Variants in CEP63 observed in about 807,000 individuals in gnomAD.
CEP63 encodes the protein centrosomal protein of 63 kDa.
Under a neutral mutation model 89.1 loss-of-function variants are expected in CEP63, and 84 were observed. That is an observed-to-expected ratio of 0.94 (90% CI 0.79 to 1.13). The LOEUF (loss-of-function observed/expected upper bound fraction) is 1.13. Among genes scored for constraint, CEP63 ranks in the 50% most tolerant of loss-of-function variants. The probability of loss-of-function intolerance (pLI) is 0.00; values close to 1 mark genes in which losing one functional copy is unlikely to be tolerated. For synonymous variants in CEP63, 267 were observed against 272.5 expected, an observed-to-expected ratio of 0.98 and a Z score of 0.20; for missense variants, 838 against 813.3, an observed-to-expected ratio of 1.03 and a Z score of -0.37.
chr3:134,691,103 C>T, the CEP63 span, among the ~76,000 whole-genome samples: 1 of 152,184 alleles, frequency 6.6e-6, no homozygotes, highest in Non-Finnish European at 1.5e-5. Context: ...GCCTGTAATT[C>T]CAGCACTTTG....
At chr3:134,571,235 G>A (rs1957997614) in intron 11 of CEP63, among the ~76,000 whole-genome samples, 1 of 152,242 alleles carries the variant, frequency 6.6e-6, no homozygotes, top group Non-Finnish European at 1.5e-5. Context: ...CCACTGGCAA[G>A]CATCTTGCCT....
intron 10 of CEP63, among the ~76,000 whole-genome samples, chr3:134,583,808 A>C (rs1219476070): frequency 6.6e-6 from 1 of 152,174 alleles, no homozygotes; most frequent in Non-Finnish European, 1.5e-5. Flanking sequence ...CCTCCTATCC[A>C]TGAGTATGGA....
chr3:134,625,228 G>T, the CEP63 span: 5 of 952,256 alleles, frequency 5.3e-6, no homozygotes, highest in Admixed American at 8.2e-5. Context: ...AGCTGTGACT[G>T]TCCAACCTTT....
chr3:134,558,426 T>C, intron 13 of CEP63, 79 bp downstream of exon 13: 1 of 1,017,242 alleles, frequency 9.8e-7, no homozygotes, highest in Non-Finnish European at 1.5e-6. Context: ...ATTTTTGACT[T>C]ACAGAAATTA....
At chr3:134,749,597 G>A in the CEP63 span, among the ~76,000 whole-genome samples, 1 of 149,010 alleles carries the variant, frequency 6.7e-6, no homozygotes, top group Non-Finnish European at 1.5e-5. Flanking sequence ...CAAGATGAAG[G>A]GTCTGTGTGT....
At chr3:134,520,969 A>G (rs1364603268) in intron 3 of CEP63, among the ~76,000 whole-genome samples, 1 of 152,176 alleles carries the variant, frequency 6.6e-6, no homozygotes, top group African/African-American at 2.4e-5. Flanking sequence ...GTAGGGAAAG[A>G]TTTCTTAAAA....
the CEP63 span, among the ~76,000 whole-genome samples, chr3:134,757,712 G>T: frequency 6.6e-6 from 1 of 152,154 alleles, no homozygotes; most frequent in Admixed American, 6.5e-5. Context: ...AGGGGCCCTT[G>T]GGGGGTGGTG....
At chr3:134,776,632 A>G in the CEP63 span, among the ~76,000 whole-genome samples, 34 of 152,280 alleles carry the variant, frequency 2.2e-4, no homozygotes, top group Middle Eastern at 3.4e-3. Flanking sequence ...AGCCAGGAGT[A>G]CACGCTCTTC....
the CEP63 span, among the ~76,000 whole-genome samples, chr3:134,777,159 G>A: frequency 2.6e-5 from 4 of 152,174 alleles, no homozygotes; most frequent in African/African-American, 9.6e-5. Flanking sequence ...CACATGTTTT[G>A]TATTGACCTC....
chr3:134,521,769 C>CCAATTAA lies in CEP63; in HGVS notation c.223-10074_223-10068dup, dbSNP rs546716019. 4.7e-4 allele frequency among the ~76,000 whole-genome samples: 72 copies of CCAATTAA among 152,248 alleles called. No individual in the cohort carries two copies. The East Asian group carries it at 0.011, about 23-fold the overall frequency. On this transcript the variant is annotated intron_variant, in intron 3 of 14. Coordinates refer to ENST00000675561, the MANE Select transcript of CEP63 (RefSeq NM_001353108.3). ...TTAGTATTGCATAAGAATCAATAGTCCAATTAACTAAATTGAAGCGCTAAT... is the reference window on the plus strand; with the variant it reads ...TTAGTATTGCATAAGAATCAATAGTCCAATTAACAATTAACTAAATTGAAGCGCTAAT...
chr3:134,675,396 G>T, the CEP63 span, among the ~76,000 whole-genome samples: 151 of 152,278 alleles, frequency 9.9e-4, 1 homozygote, highest in African/African-American at 3.5e-3. Context: ...ATGTATGATA[G>T]ACTTAAATGT....
intron 11 of CEP63, among the ~76,000 whole-genome samples, chr3:134,550,500 C>T (rs1217735813): frequency 6.6e-6 from 1 of 152,098 alleles, no homozygotes; most frequent in Non-Finnish European, 1.5e-5. Context: ...TCACAAGCAG[C>T]CTGAATCTAG....
intron 3 of CEP63, among the ~76,000 whole-genome samples, chr3:134,517,208 G>T (rs1472529316): frequency 6.6e-6 from 1 of 152,078 alleles, no homozygotes; most frequent in African/African-American, 2.4e-5. Context: ...ACCTCCAGTT[G>T]CCCTGAAGTC....
At chr3:134,732,147 C>T in the CEP63 span, among the ~76,000 whole-genome samples, 1 of 152,192 alleles carries the variant, frequency 6.6e-6, no homozygotes, top group Non-Finnish European at 1.5e-5. Context: ...CGATTCCTCT[C>T]ATCATCTGTA....
rs199930556 is a variant in CEP63, at chr3:134,557,376, G to GTTTTTTTTTTTTT, written c.1468-750_1468-738dup. On this transcript the variant is annotated intron_variant, in intron 12 of 14. Transcript: ENST00000675561. ...CTTGACCAGCTTACTTTCATAATTT[G>GTTTTTTTTTTTTT]TTTTTTTTTTTTTTTTTTTTTTTTT... 2.6e-3 allele frequency among the ~76,000 whole-genome samples: 263 copies of GTTTTTTTTTTTTT among 101,450 alleles called. 51 individuals carry two copies. The highest frequency in any genetic ancestry group is 0.01 in the African/African-American group (208 of 20,300). 66.6% of individuals were successfully genotyped at this position (101,450 alleles called of 152,430 possible).
chr3:134,521,105 G>A (rs1175871063), intron 3 of CEP63, among the ~76,000 whole-genome samples: 1 of 152,032 alleles, frequency 6.6e-6, no homozygotes, highest in African/African-American at 2.4e-5. Flanking sequence ...GTAGAAAAAT[G>A]GGCAAAAGAC....
chr3:134,542,028 T>A (rs1952149124), intron 6 of CEP63, among the ~76,000 whole-genome samples: 1 of 152,066 alleles, frequency 6.6e-6, no homozygotes. Flanking sequence ...GCAAAGGAAA[T>A]GTTCAAGGAA....
At chr3:134,620,989 A>G in the CEP63 span, 1 of 637,130 alleles carries the variant, frequency 1.6e-6, no homozygotes. Context: ...TGAGGGGCAA[A>G]GGCTGGCTGA....
chr3:134,708,547 C>T, the CEP63 span, among the ~76,000 whole-genome samples: 2 of 152,306 alleles, frequency 1.3e-5, no homozygotes, highest in East Asian at 3.9e-4. Flanking sequence ...CTTTTTATTC[C>T]ATCACAGCAC....
Sources: allele counts gnomAD v4.1 joint callset (sites outside exome capture counted in the v4.1 genomes callset), GRCh38; gene constraint gnomAD v4.1.1; transcripts MANE v1.5; gene names NCBI Gene and HGNC (gene_info 2026-07-23, HGNC 2026-07-21).